EEF1AKMT4: variants seen among roughly 807,000 people sequenced by gnomAD.
EEF1AKMT4 encodes the protein eukaryotic translation elongation factor 1 alpha lysine specific methyltransferase 4.
A neutral mutation model predicts 23.0 loss-of-function variants in EEF1AKMT4; 17 were observed. The observed-to-expected ratio is 0.74, with a 90% CI of 0.51 to 1.11. EEF1AKMT4 has a LOEUF of 1.11. Ranked by LOEUF, EEF1AKMT4 falls within the 50% of genes least tolerant of loss-of-function variation. The pLI is 0.00. For missense variants in EEF1AKMT4, 318 were observed against 333.4 expected (o/e 0.95, Z 0.36); for synonymous variants, 140 against 141.4 (o/e 0.99, Z 0.07).
intron 1 of EEF1AKMT4, among the ~76,000 whole-genome samples, chr3:184,256,341 GT>G (rs559907175): frequency 1.2e-3 from 184 of 151,558 alleles, no homozygotes; most frequent in African/African-American, 4.2e-3. Context: ...TCCACTGTGT[GT>G]CCCCACCTAG....
At chr3:184,250,154 C>T (rs1233447447) in intron 1 of EEF1AKMT4, among the ~76,000 whole-genome samples, 1 of 152,196 alleles carries the variant, frequency 6.6e-6, no homozygotes, top group Admixed American at 6.5e-5. Flanking sequence ...TCCGGACCCT[C>T]GGGAGGCAGG....
intron 1 of EEF1AKMT4, among the ~76,000 whole-genome samples, chr3:184,256,679 T>C (rs79240504): frequency 1.3e-5 from 2 of 151,696 alleles, no homozygotes; most frequent in Admixed American, 6.6e-5. Context: ...TTTTTTTTTT[T>C]CTTTTTTTGA....
intron 1 of EEF1AKMT4, among the ~76,000 whole-genome samples, chr3:184,256,211 G>A (rs950794184): frequency 6.8e-6 from 1 of 147,178 alleles, no homozygotes; most frequent in African/African-American, 2.5e-5. Context: ...GGCAGAGGTT[G>A]CAGTGAGCCG....
intron 1 of EEF1AKMT4, among the ~76,000 whole-genome samples, chr3:184,253,555 G>A (rs1346054315): frequency 3.3e-5 from 5 of 152,312 alleles, no homozygotes; most frequent in African/African-American, 7.2e-5. Flanking sequence ...GCTCTGGAGC[G>A]ATAGAGGCCT....
chr3:184,253,125 T>A (rs1719634766), intron 1 of EEF1AKMT4, among the ~76,000 whole-genome samples: 1 of 152,146 alleles, frequency 6.6e-6, no homozygotes, highest in Non-Finnish European at 1.5e-5. Context: ...GTCAAGAATG[T>A]GCTCCCAGGA....
chr3:184,251,159 C>G (rs1236941233), intron 1 of EEF1AKMT4, among the ~76,000 whole-genome samples: 2 of 151,714 alleles, frequency 1.3e-5, no homozygotes, highest in Admixed American at 6.6e-5. Flanking sequence ...AATCCCAGCA[C>G]TTTGGGAGGC....
intron 1 of EEF1AKMT4, among the ~76,000 whole-genome samples, chr3:184,252,546 AATG>A (rs2108448480): frequency 6.6e-6 from 1 of 152,328 alleles, no homozygotes; most frequent in South Asian, 2.1e-4. Context: ...TTTGTTTGAA[AATG>A]GCCAAACAAG....
Position 184,249,711 on chromosome 3 carries a change from CAGGTAGGGCGCCTCCGG to C in EEF1AKMT4, c.20_36del (p.Gly7ValfsTer71). ...GTTGAGAGCATGGCCTCTCCAGGGGCAGGTAGGGCGCCTCCGGAGTTACCGGAGCGGAACTGCGGGTA... is the reference window on the plus strand; with the variant it reads ...GTTGAGAGCATGGCCTCTCCAGGGGCAGTTACCGGAGCGGAACTGCGGGTA... On this transcript the variant is annotated frameshift_variant, in exon 1 of 3. Coordinates refer to ENST00000324557, the MANE Select transcript of EEF1AKMT4 (RefSeq NM_032331.4). LOFTEE classifies it high-confidence loss of function. 6.2e-7 allele frequency: 1 copy of C among 1,608,792 alleles called. No individual in the cohort carries two copies. Among genetic ancestry groups the C allele is most frequent in the Non-Finnish European group, 8.5e-7 (1 of 1,176,932 alleles).
At chr3:184,252,727 G>A (rs1355492331) in intron 1 of EEF1AKMT4, among the ~76,000 whole-genome samples, 1 of 152,128 alleles carries the variant, frequency 6.6e-6, no homozygotes, top group East Asian at 1.9e-4. Context: ...CGGGTCACCT[G>A]AGGTCAGGAG....
At chr3:184,256,272 C>CAAAAAAAAAAAAAAAAAAAAAAAAAAA (rs59087969) in intron 1 of EEF1AKMT4, among the ~76,000 whole-genome samples, 14 of 54,200 alleles carry the variant, frequency 2.6e-4, no homozygotes, top group East Asian at 5.5e-4. Context: ...AACTCCATCT[C>CAAAAAAAAAAAAAAAAAAAAAAAAAAA]AAAAAAAAAA....
intron 1 of EEF1AKMT4, among the ~76,000 whole-genome samples, chr3:184,256,286 A>AAAAAAAAAAAAAAAAAAAAAAG (rs1560171418): frequency 6.8e-6 from 1 of 146,564 alleles, no homozygotes; most frequent in Non-Finnish European, 1.5e-5. Flanking sequence ...AAAAAAAAAA[A>AAAAAAAAAAAAAAAAAAAAAAG]AAAAGAAAAG....
chr3:184,257,704 C>T lies in EEF1AKMT4; in HGVS notation c.428C>T (p.Pro143Leu), dbSNP rs1175991607. The T allele has an allele frequency of 3.1e-6, 5 of 1,613,964 alleles. No individual in the cohort carries two copies. Among genetic ancestry groups the T allele is most frequent in the Admixed American group, 3.3e-5 (2 of 60,004 alleles). The change falls in exon 2 of 3, where the codon CCC becomes CTC. Residue 143 changes from proline (P) to leucine (L), a missense_variant. Coordinates refer to ENST00000324557, the MANE Select transcript of EEF1AKMT4 (RefSeq NM_032331.4). ...LDALLAGERD[P>L]WTVSSEGVHT... Reference sequence around the variant, plus strand: ...GCCCTGCTGGCTGGGGAACGAGATCCCTGGACCGTGTCCTCTGAAGGTGTC... The same window carrying T: ...GCCCTGCTGGCTGGGGAACGAGATCTCTGGACCGTGTCCTCTGAAGGTGTC...
intron 1 of EEF1AKMT4, among the ~76,000 whole-genome samples, chr3:184,251,519 T>G (rs1368734678): frequency 6.7e-6 from 1 of 149,854 alleles, no homozygotes; most frequent in Non-Finnish European, 1.5e-5. Flanking sequence ...GGTGACAGAG[T>G]AAGACCCTGT....
intron 1 of EEF1AKMT4, among the ~76,000 whole-genome samples, chr3:184,251,016 C>T (rs111868704): frequency 3.8e-4 from 54 of 142,832 alleles, no homozygotes; most frequent in Middle Eastern, 4.1e-3. Context: ...ACCAGGGAGG[C>T]GGAGGTTGTG....
At position 184,257,500 on chromosome 3, in the gene EEF1AKMT4, A is replaced by C; in HGVS notation, c.224A>C (p.Glu75Ala). ...LGCGNSALSY[E>A]LFLGGFPNVT... The stretch of plus-strand genomic sequence containing the variant: ...TGCGGGAACAGTGCCCTGAGCTACG[A>C]GCTGTTCCTCGGAGGCTTCCCTAAT... Residue 75 changes from glutamate to alanine, a missense_variant, in exon 2 of 3, where the codon GAG becomes GCG. Glu to Ala is a moderately radical substitution (Grantham distance 107). Transcript: ENST00000324557. 1 of 1,609,160 alleles carries C rather than the reference A, an allele frequency of 6.2e-7. No individual in the cohort carries two copies. The highest frequency in any genetic ancestry group is 1.7e-5 in the Admixed American group (1 of 59,938).
At position 184,258,740 on chromosome 3, in the gene EEF1AKMT4, C is replaced by A. The variant is rs1043458188; in HGVS notation, c.*165C>A. 2 of 1,342,334 alleles carry A rather than the reference C, an allele frequency of 1.5e-6. No individual in the cohort carries two copies. The highest frequency in any genetic ancestry group is 7.1e-5 in the Admixed American group (2 of 28,308). The allele number at this position is 1,342,334 out of a possible 1,614,324, so 83.2% of individuals were successfully genotyped here. A position where few individuals can be genotyped will look rare whatever the true frequency, so the allele number is the denominator to read the frequency against. ...CGAACCCACATGAACCAATACAGCC[C>A]AGCTCCAACTAGATCCAGATTCCAG... is the stretch of plus-strand genomic sequence containing the variant. On this transcript the variant is annotated 3_prime_UTR_variant, in exon 3 of 3. Coordinates refer to ENST00000324557, the MANE Select transcript of EEF1AKMT4 (RefSeq NM_032331.4).
rs1418561185 is a variant in EEF1AKMT4, at chr3:184,258,331, C to T, written c.524C>T (p.Thr175Ile). ...LVPGGRFISM[T>I]SAAPHFRTRH... Reference sequence around the variant, plus strand: ...CCTGGAGGCCGGTTTATCTCAATGACTTCTGCTGCCCCCCACTTTCGGACC... The same window carrying T: ...CCTGGAGGCCGGTTTATCTCAATGATTTCTGCTGCCCCCCACTTTCGGACC... Residue 175 changes from threonine (T) to isoleucine (I), a missense_variant, in exon 3 of 3, where the codon ACT becomes ATT. By Grantham distance (89) the Thr-to-Ile change is moderately conservative (BLOSUM62 -1). Coordinates refer to ENST00000324557, the MANE Select transcript of EEF1AKMT4 (RefSeq NM_032331.4). 3 of 1,613,532 alleles carry T rather than the reference C, an allele frequency of 1.9e-6. No homozygotes were observed. Among genetic ancestry groups the T allele is most frequent in the African/African-American group, 1.3e-5 (1 of 74,996 alleles).
intron 1 of EEF1AKMT4, among the ~76,000 whole-genome samples, chr3:184,254,497 G>T (rs987597168): frequency 6.7e-6 from 1 of 149,012 alleles, no homozygotes; most frequent in Admixed American, 6.8e-5. Context: ...AAGGTCAGGA[G>T]ATCGAGACCA....
At chr3:184,252,749 C>G (rs994863378) in intron 1 of EEF1AKMT4, among the ~76,000 whole-genome samples, 3 of 151,966 alleles carry the variant, frequency 2.0e-5, no homozygotes, top group Admixed American at 6.6e-5. Flanking sequence ...TCGAGAGCAG[C>G]CTGGCCAGCA....
Sources: gnomAD v4.1 joint callset for allele counts (sites outside exome capture counted in the v4.1 genomes callset) on GRCh38, gnomAD v4.1.1 for gene constraint, MANE v1.5 for transcripts, NCBI Gene and HGNC (gene_info 2026-07-23, HGNC 2026-07-21) for gene names.